The following BIRC6 variants were observed in gnomAD, a reference collection of about 807,000 sequenced individuals.
BIRC6 encodes the protein dual E2 ubiquitin-conjugating enzyme/E3 ubiquitin-protein ligase BIRC6.
Under a neutral mutation model 503.3 loss-of-function variants are expected in BIRC6, and 98 were observed. The observed-to-expected ratio is 0.19, with a 90% confidence interval of 0.17 to 0.23. The LOEUF (loss-of-function observed/expected upper bound fraction) is 0.23. Among genes scored for constraint, BIRC6 ranks in the 10% least tolerant of loss-of-function variants. The probability of loss-of-function intolerance (pLI) is 1.00; values close to 1 mark genes in which losing one functional copy is unlikely to be tolerated. For missense variants in BIRC6, 5,360 were observed against 5,806.0 expected, an observed-to-expected ratio of 0.92 and a Z score of 2.50; for synonymous variants, 2,240 against 2,078.7, an observed-to-expected ratio of 1.08 and a Z score of -2.11.
At chr2:32,441,978 A>G in intron 17 of BIRC6, 87 bp from the exon 18 acceptor site, 1 of 1,001,618 alleles carries the variant, frequency 1.0e-6, no homozygotes, top group Non-Finnish European at 1.4e-6. Context: ...ATGAATTAAA[A>G]TTAAACATTG....
At chr2:32,577,997 A>C (rs900653134) in intron 66 of BIRC6, among the ~76,000 whole-genome samples, 1 of 152,192 alleles carries the variant, frequency 6.6e-6, no homozygotes, top group African/African-American at 2.4e-5. Flanking sequence ...TGTGCAGTAC[A>C]TATTTTTAGT....
intron 2 of BIRC6, chr2:32,379,109 T>C (rs147113303): frequency 6.6e-6 from 1 of 152,332 alleles, no homozygotes; most frequent in African/African-American, 2.4e-5. Flanking sequence ...TAGTCTATTA[T>C]ATGTTAATAT....
At position 32,516,789 on chromosome 2, in the gene BIRC6, A is replaced by G. The variant is rs865896487; in HGVS notation, c.11349+1019A>G. On this transcript the variant is annotated intron_variant, in intron 55 of 73. Coordinates refer to ENST00000421745, the MANE Select transcript of BIRC6 (RefSeq NM_016252.4). ...ATTTTGCTTTTGGTTACCTCACGTG[A>G]CCTTGGGCATATTGGTTAATCTTAT... Among the ~76,000 whole-genome samples, 123 of 152,038 alleles carry G rather than the reference A, an allele frequency of 8.1e-4. 1 individual carries two copies. Among genetic ancestry groups the G allele is most frequent in the African/African-American group, 2.9e-3 (119 of 41,384 alleles).
intron 65 of BIRC6, among the ~76,000 whole-genome samples, chr2:32,574,224 TG>T (rs2060108646): frequency 6.7e-6 from 1 of 149,998 alleles, no homozygotes; most frequent in Admixed American, 6.7e-5. Context: ...TGCAGTGGCA[TG>T]ATCTTGTCCT....
rs562357390 is a variant in BIRC6, at chr2:32,364,117, G to T, written c.325+6631G>T. Among the ~76,000 whole-genome samples the T allele has an allele frequency of 3.9e-5, 6 of 152,326 alleles. No homozygotes were observed. The South Asian group carries it at 1.0e-3, about 26-fold the overall frequency. On this transcript the variant is annotated intron_variant, in intron 1 of 73. Coordinates refer to ENST00000421745, the MANE Select transcript of BIRC6 (RefSeq NM_016252.4). Reference sequence around the variant, plus strand: ...AGTATATATACATATGTAAGTGAAGGTATATGTGTGCAGGTATTAATCAAT... The same window carrying T: ...AGTATATATACATATGTAAGTGAAGTTATATGTGTGCAGGTATTAATCAAT...
At chr2:32,588,298 G>T (rs1251466468) in intron 66 of BIRC6, among the ~76,000 whole-genome samples, 1 of 152,164 alleles carries the variant, frequency 6.6e-6, no homozygotes, top group Non-Finnish European at 1.5e-5. Flanking sequence ...GGAGGTTGCA[G>T]TGAGCCAAGA....
At chr2:32,501,504 C>A (rs2053193622) in intron 46 of BIRC6, among the ~76,000 whole-genome samples, 1 of 152,090 alleles carries the variant, frequency 6.6e-6, no homozygotes, top group Non-Finnish European at 1.5e-5. Context: ...ATTATATATT[C>A]ATTCTTCAGC....
At position 32,463,272 on chromosome 2, in the gene BIRC6, C is replaced by T. The variant is rs1418487084; in HGVS notation, c.4832C>T (p.Ser1611Leu). 1.9e-6 allele frequency: 3 copies of T among 1,613,774 alleles called. No homozygotes were observed. The highest frequency in any genetic ancestry group is 1.7e-5 in the Admixed American group (1 of 59,990). Reference protein sequence around the residue: ...TVGEASTALSSAAQVALQSLS... With the variant: ...TVGEASTALSLAAQVALQSLS... The stretch of plus-strand genomic sequence containing the variant: ...GGGGAAGCCTCGACAGCCCTGAGTT[C>T]AGCAGCCCAGGTAGCTTTGCAGTCT... The change falls in exon 24 of 74, where the codon TCA (serine) becomes TTA (leucine). Residue 1611 changes from serine to leucine, a missense_variant. Ser to Leu is a moderately radical substitution (Grantham distance 145). This residue lies in a region of BIRC6 where 2,299 missense variants were observed against 2,267.2 expected (regional missense o/e 1.01). Transcript: ENST00000421745.
intron 50 of BIRC6, chr2:32,505,473 C>T: frequency 5.5e-6 from 2 of 362,450 alleles, no homozygotes; most frequent in Non-Finnish European, 1.0e-5. Flanking sequence ...CTCAAATTTA[C>T]TAAGCTTCAG....
intron 37 of BIRC6, 72 bp downstream of exon 37, chr2:32,479,689 G>A (rs1420929971): frequency 1.5e-6 from 2 of 1,304,926 alleles, no homozygotes; most frequent in Non-Finnish European, 2.1e-6. Context: ...GAATGTTAGA[G>A]AAAAATAAAG....
chr2:32,490,986 C>T (rs1260994768), intron 43 of BIRC6, among the ~76,000 whole-genome samples: 1 of 152,144 alleles, frequency 6.6e-6, no homozygotes, highest in Non-Finnish European at 1.5e-5. Context: ...TGTTGTGTTA[C>T]CTGTACGTTA....
chr2:32,465,249 AT>A (rs11353879), intron 26 of BIRC6, 85 bp downstream of exon 26: 91,664 of 270,514 alleles, frequency 0.34, 3,084 homozygotes, highest in African/African-American at 0.36. Context: ...CTTCAGTTCG[AT>A]TTTTTTTTTT....
chr2:32,509,670 A>G, intron 51 of BIRC6, 68 bp from the exon 52 acceptor site: 1 of 1,553,952 alleles, frequency 6.4e-7, no homozygotes, highest in Non-Finnish European at 8.8e-7. Context: ...ATCTTTAAAA[A>G]GTTATGTTCT....
chr2:32,602,391 A>G (rs1035873972), intron 70 of BIRC6: 10 of 152,350 alleles, frequency 6.6e-5, no homozygotes, highest in East Asian at 1.9e-4. Flanking sequence ...ATTGATCTCA[A>G]TCAACGTAGA....
intron 61 of BIRC6, 23 bp downstream of exon 61, chr2:32,531,574 A>T: frequency 6.4e-7 from 1 of 1,571,942 alleles, no homozygotes; most frequent in Non-Finnish European, 8.7e-7. Flanking sequence ...TTCCTAATCG[A>T]GTATATCATT....
chr2:32,375,733 CTT>C (rs1244197731), intron 1 of BIRC6, among the ~76,000 whole-genome samples: 6 of 131,748 alleles, frequency 4.6e-5, no homozygotes, highest in Non-Finnish European at 9.3e-5. Flanking sequence ...AATGTATTTT[CTT>C]TCTCTCTCTT....
At chr2:32,405,727 T>A (rs2041130111) in intron 8 of BIRC6, among the ~76,000 whole-genome samples, 1 of 152,214 alleles carries the variant, frequency 6.6e-6, no homozygotes, top group Admixed American at 6.5e-5. Flanking sequence ...TGCATGTACA[T>A]GTGAGTACAC....
Position 32,518,302 on chromosome 2 carries a change from A to T in BIRC6, c.11398A>T (p.Thr3800Ser). 2 of 1,613,008 alleles carry T rather than the reference A, an allele frequency of 1.2e-6. No individual in the cohort carries two copies. The highest frequency in any genetic ancestry group is 1.7e-6 in the Non-Finnish European group (2 of 1,179,562). ...ATCTCCTCAAAGAGGGAACCTTCCA[A>T]CATCTGGGAACATTTCAGGGTTTAT... The part of the protein sequence containing the change: ...QTSPQRGNLP[T>S]SGNISGFIRR... The change falls in exon 56 of 74, where the codon ACA (threonine) becomes TCA (serine). Residue 3800 changes from threonine to serine, a missense_variant. Physicochemically the swap from Thr to Ser is moderately conservative, Grantham distance 58. Transcript: ENST00000421745.
Position 32,480,621 on chromosome 2 carries a change from C to CTTTTTTTTTTTTTT in BIRC6, c.7409-675_7409-662dup, listed in dbSNP as rs560251664. Among the ~76,000 whole-genome samples the CTTTTTTTTTTTTTT allele has an allele frequency of 4.8e-4, 29 of 60,736 alleles. 2 individuals carry two copies. The highest frequency in any genetic ancestry group is 6.8e-4 in the Non-Finnish European group (23 of 34,002). The allele number at this position is 60,736 out of a possible 152,430, so 39.8% of individuals were successfully genotyped here. ...CATAACAGAAAAATAAGGTAAATGG[C>CTTTTTTTTTTTTTT]TTTTTTTTTTTTTTTTTTTTTTTTT... On this transcript the variant is annotated intron_variant, in intron 37 of 73. Transcript: ENST00000421745.
Sources: gnomAD v4.1 joint callset for allele counts (sites outside exome capture counted in the v4.1 genomes callset) on GRCh38, gnomAD v4.1.1 for gene constraint, gnomAD v4.1.1 regional missense constraint, MANE v1.5 for transcripts, NCBI Gene and HGNC (gene_info 2026-07-23, HGNC 2026-07-21) for gene names.